Variants in FAM240B observed in about 807,000 individuals in gnomAD.
FAM240B encodes the protein protein FAM240B.
At chr9:38,719,386 A>T (rs1821346484) in intron 1 of FAM240B, among the ~76,000 whole-genome samples, 1 of 152,170 alleles carries the variant, frequency 6.6e-6, no homozygotes, top group African/African-American at 2.4e-5. Context: ...ATTAACTTAC[A>T]CTTAAAGAGT....
chr9:38,709,921 T>G (rs545280145), intron 1 of FAM240B, among the ~76,000 whole-genome samples: 1 of 152,216 alleles, frequency 6.6e-6, no homozygotes, highest in Non-Finnish European at 1.5e-5. Context: ...CCCATGTGTA[T>G]GCAGATGGAA....
intron 1 of FAM240B, among the ~76,000 whole-genome samples, chr9:38,706,561 A>G (rs1397651615): frequency 6.6e-6 from 1 of 152,166 alleles, no homozygotes; most frequent in Admixed American, 6.5e-5. Flanking sequence ...CCCCCTTCCA[A>G]GAGCCGGCCC....
chr9:38,718,118 A>G (rs1268666933), intron 1 of FAM240B, among the ~76,000 whole-genome samples: 1 of 152,140 alleles, frequency 6.6e-6, no homozygotes, highest in East Asian at 1.9e-4. Flanking sequence ...GTCAGCATAC[A>G]TTGTTTTTCA....
chr9:38,704,311 T>C (rs1225102794), intron 1 of FAM240B, among the ~76,000 whole-genome samples: 3 of 152,208 alleles, frequency 2.0e-5, no homozygotes, highest in African/African-American at 7.2e-5. Context: ...CTTTGAGCTA[T>C]TTGACAATTT....
chr9:38,714,943 C>G (rs1412892730), intron 1 of FAM240B, among the ~76,000 whole-genome samples: 1 of 152,116 alleles, frequency 6.6e-6, no homozygotes, highest in Non-Finnish European at 1.5e-5. Context: ...TTTTATTGTA[C>G]CAATGCTAAT....
intron 1 of FAM240B, among the ~76,000 whole-genome samples, chr9:38,711,576 G>A (rs1050644717): frequency 6.6e-6 from 1 of 151,958 alleles, no homozygotes; most frequent in Non-Finnish European, 1.5e-5. Flanking sequence ...TAGTTTCTTG[G>A]CTTAACACCT....
chr9:38,695,934 A>G (rs746492140), intron 2 of FAM240B, among the ~76,000 whole-genome samples: 2 of 152,244 alleles, frequency 1.3e-5, no homozygotes, highest in African/African-American at 4.8e-5. Context: ...AGGCTACTCA[A>G]TGGAGGATGG....
intron 1 of FAM240B, among the ~76,000 whole-genome samples, chr9:38,713,241 G>T (rs964628979): frequency 6.6e-6 from 1 of 152,134 alleles, no homozygotes; most frequent in African/African-American, 2.4e-5. Flanking sequence ...CACTTTGGGA[G>T]GCTAAGGCAG....
intron 1 of FAM240B, among the ~76,000 whole-genome samples, chr9:38,704,573 C>A (rs12353084): frequency 0.029 from 4,404 of 152,164 alleles, 201 homozygotes; most frequent in African/African-American, 0.1. Flanking sequence ...AAAAAACTAT[C>A]CTTTAAGAGT....
chr9:38,718,530 C>T (rs1466964044), intron 1 of FAM240B, among the ~76,000 whole-genome samples: 1 of 152,186 alleles, frequency 6.6e-6, no homozygotes, highest in African/African-American at 2.4e-5. Context: ...CACCTTAAGA[C>T]AGACCCTGGA....
At chr9:38,699,157 T>A (rs1821095790) in intron 2 of FAM240B, among the ~76,000 whole-genome samples, 2 of 152,224 alleles carry the variant, frequency 1.3e-5, no homozygotes, top group Admixed American at 1.3e-4. Context: ...TCTAGATTCT[T>A]CTGATTTGTG....
chr9:38,710,523 T>C (rs1418505602), intron 1 of FAM240B, among the ~76,000 whole-genome samples: 1 of 152,228 alleles, frequency 6.6e-6, no homozygotes. Context: ...GCATTTATCT[T>C]TTTGTTTCCC....
At chr9:38,700,172 A>G (rs576601972) in intron 2 of FAM240B, among the ~76,000 whole-genome samples, 77 of 152,226 alleles carry the variant, frequency 5.1e-4, no homozygotes, top group African/African-American at 1.8e-3. Context: ...CTAACTAAAA[A>G]TTTTCTCCCT....
At chr9:38,717,154 T>G (rs1821313274) in intron 1 of FAM240B, among the ~76,000 whole-genome samples, 2 of 152,174 alleles carry the variant, frequency 1.3e-5, no homozygotes, top group Admixed American at 6.5e-5. Context: ...GGGCTTCGGC[T>G]TCCCTCTCTT....
At chr9:38,718,231 G>C (rs1357732720) in intron 1 of FAM240B, among the ~76,000 whole-genome samples, 2 of 152,182 alleles carry the variant, frequency 1.3e-5, no homozygotes, top group Non-Finnish European at 2.9e-5. Context: ...AAAAATTCCA[G>C]AGTAAATCAT....
At chr9:38,707,274 A>T (rs1282575652) in intron 1 of FAM240B, among the ~76,000 whole-genome samples, 1 of 152,222 alleles carries the variant, frequency 6.6e-6, no homozygotes, top group African/African-American at 2.4e-5. Context: ...CATTATGAAG[A>T]CAAGAGAGGC....
chr9:38,697,602 A>T (rs757606379), intron 2 of FAM240B, among the ~76,000 whole-genome samples: 3 of 152,272 alleles, frequency 2.0e-5, no homozygotes, highest in Admixed American at 6.5e-5. Context: ...AAATGTAGAC[A>T]TTATTAAAAG....
intron 1 of FAM240B, among the ~76,000 whole-genome samples, chr9:38,713,994 T>A (rs568070773): frequency 2.0e-5 from 3 of 152,272 alleles, no homozygotes; most frequent in African/African-American, 7.2e-5. Context: ...TCTCTGTAAA[T>A]AAACCCTGAA....
intron 2 of FAM240B, among the ~76,000 whole-genome samples, chr9:38,695,748 C>T (rs186463801): frequency 7.6e-4 from 115 of 152,248 alleles, no homozygotes; most frequent in Non-Finnish European, 1.5e-3. Flanking sequence ...GTAGATTAGC[C>T]TTAAGAAGTT....
Sources: gnomAD v4.1 joint callset for allele counts (sites outside exome capture counted in the v4.1 genomes callset) on GRCh38, gnomAD v4.1.1 for gene constraint, MANE v1.5 for transcripts, NCBI Gene and HGNC (gene_info 2026-07-23, HGNC 2026-07-21) for gene names.